FAM20A: variants seen among roughly 807,000 people sequenced by gnomAD.
FAM20A encodes the protein FAM20A golgi associated secretory pathway pseudokinase, also known as pseudokinase FAM20A.
FAM20A carries 42 observed loss-of-function variants against 52.0 expected under a neutral mutation model. That is an observed-to-expected ratio of 0.81 (90% CI 0.63 to 1.04). The LOEUF (loss-of-function observed/expected upper bound fraction) is 1.04, where lower values mean the gene tolerates loss of function less well. FAM20A is among the 50% of genes least tolerant of loss of function. FAM20A has a pLI of 0.00. For missense variants in FAM20A, 742 were observed against 712.7 expected (o/e 1.04, Z -0.47); for synonymous variants, 304 against 298.9 (o/e 1.02, Z -0.18).
rs1471103868 is a variant in FAM20A, at chr17:68,575,817, CACACACACACACACAT to C, written c.405-20090_405-20075del. 1.1e-3 allele frequency among the ~76,000 whole-genome samples: 150 copies of C among 134,998 alleles called. 1 individual carries two copies. Among genetic ancestry groups the C allele is most frequent in the Non-Finnish European group, 1.9e-3 (123 of 63,176 alleles). 88.6% of individuals were successfully genotyped at this position (134,998 alleles called of 152,430 possible). On this transcript the variant is annotated intron_variant, in intron 1 of 10. Transcript: ENST00000592554. ...ACACACACACACACACACACACACA[CACACACACACACACAT>C]AATCAGCCATTGGCAGTTACAGCTG...
intron 1 of FAM20A, chr17:68,598,011 T>G (rs988962406): frequency 1.3e-5 from 2 of 150,956 alleles, no homozygotes; most frequent in Non-Finnish European, 3.0e-5. Context: ...TGGTTTTTTT[T>G]TTTTTTTTTT....
At chr17:68,543,535 G>A in intron 5 of FAM20A, 94 bp downstream of exon 5, 1 of 1,083,980 alleles carries the variant, frequency 9.2e-7, no homozygotes, top group Non-Finnish European at 1.4e-6. Flanking sequence ...AGGAAGAAAT[G>A]CCAGGGAGTT....
chr17:68,553,753 T>TAC (rs1345280502), intron 3 of FAM20A, among the ~76,000 whole-genome samples: 4 of 145,036 alleles, frequency 2.8e-5, no homozygotes, highest in African/African-American at 8.2e-5. Flanking sequence ...TACACATATA[T>TAC]ATACATATAT....
At chr17:68,549,187 C>T (rs937714675) in intron 4 of FAM20A, among the ~76,000 whole-genome samples, 6 of 152,154 alleles carry the variant, frequency 3.9e-5, no homozygotes, top group Non-Finnish European at 8.8e-5. Flanking sequence ...ATATTAGCTT[C>T]CAGTTTTAAA....
chr17:68,573,718 G>A (rs1176912993), intron 1 of FAM20A, among the ~76,000 whole-genome samples: 1 of 146,072 alleles, frequency 6.8e-6, no homozygotes, highest in Non-Finnish European at 1.5e-5. Context: ...AGCTCTTGTC[G>A]CCCAAGCTGG....
intron 1 of FAM20A, among the ~76,000 whole-genome samples, chr17:68,592,290 A>G (rs1174635865): frequency 6.6e-6 from 1 of 152,236 alleles, no homozygotes; most frequent in Non-Finnish European, 1.5e-5. Context: ...TGGGGTTAAA[A>G]AAAAGTACGT....
chr17:68,540,057 C>CTCTCAAGTG, intron 8 of FAM20A, 91 bp from the exon 9 acceptor site: 1 of 1,121,124 alleles, frequency 8.9e-7, no homozygotes, highest in Non-Finnish European at 1.3e-6. Flanking sequence ...GGAGGCCTGT[C>CTCTCAAGTG]ATCACTTGAG....
At position 68,535,880 on chromosome 17, in the gene FAM20A, AAAG is replaced by A. The variant is rs1345244023; in HGVS notation, c.*1594_*1596del. 2 of 453,906 alleles carry A rather than the reference AAAG, an allele frequency of 4.4e-6. No individual in the cohort carries two copies. The highest frequency in any genetic ancestry group is 8.8e-6 in the Non-Finnish European group (2 of 226,790). 28.1% of individuals were successfully genotyped at this position (453,906 alleles called of 1,614,324 possible). A position where few individuals can be genotyped will look rare whatever the true frequency, so the allele number is the denominator to read the frequency against. ...ACTGTTGGGTTTTGTGTTACAGTGAAAAGAAGACTTTGGAATAGGTCTAAACCA... is the reference window on the plus strand; with the variant it reads ...ACTGTTGGGTTTTGTGTTACAGTGAAAAGACTTTGGAATAGGTCTAAACCA... On this transcript the variant is annotated 3_prime_UTR_variant, in exon 11 of 11. Coordinates refer to ENST00000592554, the MANE Select transcript of FAM20A (RefSeq NM_017565.4).
rs2143826447 is a variant in FAM20A, at chr17:68,575,780, A to G, written c.405-20037T>C. ...ATATTTTATATTTTATATATTGTAT[A>G]TTTTATATTATACACACACACACAC... On this transcript the variant is annotated intron_variant, in intron 1 of 10. Transcript: ENST00000592554. 2.7e-5 allele frequency among the ~76,000 whole-genome samples: 3 copies of G among 111,122 alleles called. No homozygotes were observed. The Middle Eastern group carries it at 0.013, about 492-fold the overall frequency. 72.9% of individuals were successfully genotyped at this position (111,122 alleles called of 152,430 possible). A position where few individuals can be genotyped will look rare whatever the true frequency, so the allele number is the denominator to read the frequency against.
At chr17:68,547,885 T>G (rs1199254307) in intron 4 of FAM20A, among the ~76,000 whole-genome samples, 1 of 152,258 alleles carries the variant, frequency 6.6e-6, no homozygotes, top group Non-Finnish European at 1.5e-5. Context: ...GCTTTTGGCT[T>G]ATTGGCTTTC....
intron 1 of FAM20A, among the ~76,000 whole-genome samples, chr17:68,572,318 T>A (rs1048591216): frequency 1.3e-5 from 2 of 152,050 alleles, no homozygotes; most frequent in African/African-American, 2.4e-5. Flanking sequence ...GGCTGAGGCT[T>A]CATCAGCTTC....
chr17:68,559,849 CA>C, intron 1 of FAM20A, among the ~76,000 whole-genome samples: 1 of 152,084 alleles, frequency 6.6e-6, no homozygotes, highest in Non-Finnish European at 1.5e-5. Context: ...ATTTTCCTGT[CA>C]ATAGGTTCTG....
intron 2 of FAM20A, 121 bp from the exon 3 acceptor site, chr17:68,554,948 C>T: frequency 1.0e-6 from 1 of 987,602 alleles, no homozygotes; most frequent in Non-Finnish European, 1.6e-6. Flanking sequence ...TAGCCTGGGG[C>T]CCTTGACCAC....
Position 68,600,775 on chromosome 17 carries a change from G to A in FAM20A, c.-109C>T, listed in dbSNP as rs566294982. On this transcript the variant is annotated 5_prime_UTR_variant, in exon 1 of 11. Coordinates refer to ENST00000592554, the MANE Select transcript of FAM20A (RefSeq NM_017565.4). The surrounding 1 kb of genome is among the most constrained non-coding windows in gnomAD (Gnocchi z 6.2). ...GTGCCTGGAGTCCCGCGGGTGGGCC[G>A]GGGTCAGTGAGACCGGAATGCTCCC... The A allele has an allele frequency of 3.5e-4, 446 of 1,273,284 alleles. 1 individual carries two copies. The highest frequency in any genetic ancestry group is 4.4e-4 in the Non-Finnish European group (412 of 945,194). 78.9% of individuals were successfully genotyped at this position (1,273,284 alleles called of 1,614,324 possible). A position where few individuals can be genotyped will look rare whatever the true frequency, so the allele number is the denominator to read the frequency against.
intron 1 of FAM20A, 31 bp from the exon 2 acceptor site, chr17:68,555,774 G>A: frequency 3.1e-6 from 5 of 1,612,616 alleles, no homozygotes; most frequent in Non-Finnish European, 4.2e-6. Context: ...TTCATTAGAG[G>A]AACAAGAATG....
intron 1 of FAM20A, among the ~76,000 whole-genome samples, chr17:68,569,023 C>T (rs2087464625): frequency 6.6e-6 from 1 of 151,900 alleles, no homozygotes; most frequent in South Asian, 2.1e-4. Flanking sequence ...GAAGCTCCCT[C>T]CTTTTCAGTC....
intron 1 of FAM20A, among the ~76,000 whole-genome samples, chr17:68,584,347 C>CAAAACAAAACAAAACAAAA (rs1555832950): frequency 2.4e-5 from 3 of 124,716 alleles, no homozygotes; most frequent in African/African-American, 8.5e-5. Flanking sequence ...CAAAACAAAA[C>CAAAACAAAACAAAACAAAA]AAAAAAAAAA....
intron 1 of FAM20A, among the ~76,000 whole-genome samples, chr17:68,571,976 G>T (rs1425968313): frequency 2.3e-5 from 2 of 88,098 alleles, no homozygotes; most frequent in Non-Finnish European, 4.6e-5. Context: ...ATATGTGTGT[G>T]TATATACATA....
intron 1 of FAM20A, among the ~76,000 whole-genome samples, chr17:68,582,950 C>A (rs909980387): frequency 7.9e-6 from 1 of 126,398 alleles, no homozygotes. Flanking sequence ...CAGGCACACA[C>A]CACCAGGCCC....
Sources: gnomAD v4.1 joint callset for allele counts (sites outside exome capture counted in the v4.1 genomes callset) on GRCh38, gnomAD v4.1.1 for gene constraint, Gnocchi (gnomAD v3.1) non-coding constraint, MANE v1.5 for transcripts, NCBI Gene and HGNC (gene_info 2026-07-23, HGNC 2026-07-21) for gene names.